Variants in CTNNA3 observed in about 807,000 individuals in gnomAD.
CTNNA3 encodes the protein catenin alpha 3.
Under a neutral mutation model 95.7 loss-of-function variants are expected in CTNNA3, and 76 were observed. The observed-to-expected ratio is 0.79, with a 90% CI of 0.66 to 0.96. CTNNA3 has a LOEUF of 0.96. Among genes scored for constraint, CTNNA3 ranks in the 40% least tolerant of loss-of-function variants. The pLI is 0.00. For synonymous variants in CTNNA3, 431 were observed against 374.4 expected, an observed-to-expected ratio of 1.15 and a Z score of -1.74; for missense variants, 1,191 against 1,089.8, an observed-to-expected ratio of 1.09 and a Z score of -1.31.
intron 5 of CTNNA3, among the ~76,000 whole-genome samples, chr10:67,447,456 T>C (rs1846797755): frequency 2.0e-5 from 3 of 152,176 alleles, no homozygotes; most frequent in South Asian, 4.1e-4. Flanking sequence ...GAAGATTTTG[T>C]TTTTAATTAT....
rs181531024 is a variant in CTNNA3, at chr10:66,122,847, G to A, written c.1885-19598C>T. 2.7e-3 allele frequency among the ~76,000 whole-genome samples: 408 copies of A among 152,292 alleles called. 2 individuals are homozygous for A. Among genetic ancestry groups the A allele is most frequent in the African/African-American group, 9.4e-3 (389 of 41,550 alleles). On this transcript the variant is annotated intron_variant, in intron 13 of 17. Transcript: ENST00000433211. The stretch of plus-strand genomic sequence containing the variant: ...TCTTTTTAAAACCATCAGATCTTGT[G>A]AGACTCATTTACTATCATGAGAACA...
At chr10:66,908,113 T>C (rs1477627478) in intron 7 of CTNNA3, among the ~76,000 whole-genome samples, 1 of 152,196 alleles carries the variant, frequency 6.6e-6, no homozygotes, top group Non-Finnish European at 1.5e-5. Context: ...AGGAAGTTAG[T>C]ACATGCCACA....
intron 5 of CTNNA3, among the ~76,000 whole-genome samples, chr10:67,261,960 CACTG>C (rs1276752170): frequency 6.6e-6 from 1 of 152,124 alleles, no homozygotes; most frequent in Non-Finnish European, 1.5e-5. Flanking sequence ...ACAAATGTAG[CACTG>C]ACTATGTGTT....
chr10:66,359,144 C>A (rs751179962), intron 12 of CTNNA3, among the ~76,000 whole-genome samples: 1 of 152,054 alleles, frequency 6.6e-6, no homozygotes, highest in African/African-American at 2.4e-5. Flanking sequence ...ATATTCTCAC[C>A]CTAAAATGGC....
At chr10:66,470,113 G>A (rs1282965956) in intron 11 of CTNNA3, among the ~76,000 whole-genome samples, 1 of 151,808 alleles carries the variant, frequency 6.6e-6, no homozygotes, top group East Asian at 1.9e-4. Context: ...ATCAGGACCA[G>A]AGTAAGCTGG....
chr10:66,962,400 TTTTTTG>T (rs1405950965), intron 7 of CTNNA3, among the ~76,000 whole-genome samples: 1 of 147,868 alleles, frequency 6.8e-6, no homozygotes, highest in Non-Finnish European at 1.5e-5. Context: ...TTTTGTTTTG[TTTTTTG>T]TTTTTGTTTT....
At chr10:66,081,350 G>T (rs11597357) in intron 14 of CTNNA3, among the ~76,000 whole-genome samples, 2 of 151,964 alleles carry the variant, frequency 1.3e-5, no homozygotes, top group Non-Finnish European at 2.9e-5. Context: ...GGTGGCTCAT[G>T]GCTGTAATTC....
intron 9 of CTNNA3, among the ~76,000 whole-genome samples, chr10:66,627,818 T>C (rs2132334470): frequency 6.6e-6 from 1 of 152,266 alleles, no homozygotes; most frequent in South Asian, 2.1e-4. Flanking sequence ...ACATATCAGG[T>C]ACAAGAGAAC....
chr10:66,349,073 T>A (rs979822604), intron 12 of CTNNA3, among the ~76,000 whole-genome samples: 2 of 152,108 alleles, frequency 1.3e-5, no homozygotes, highest in African/African-American at 4.8e-5. Context: ...TGTTCGTTAC[T>A]TCACAATTCG....
At chr10:67,125,165 C>T (rs543896680) in intron 7 of CTNNA3, among the ~76,000 whole-genome samples, 4 of 152,124 alleles carry the variant, frequency 2.6e-5, no homozygotes, top group South Asian at 2.1e-4. Context: ...ATATTTAATA[C>T]GTTTTTTCAA....
intron 10 of CTNNA3, 29 bp downstream of exon 10, chr10:66,621,663 A>T: frequency 7.7e-7 from 1 of 1,304,874 alleles, no homozygotes; most frequent in Non-Finnish European, 1.1e-6. Context: ...ATATAATTTT[A>T]CACACAAAAA....
At chr10:67,314,384 T>C (rs1237951121) in intron 5 of CTNNA3, among the ~76,000 whole-genome samples, 1 of 152,172 alleles carries the variant, frequency 6.6e-6, no homozygotes, top group African/African-American at 2.4e-5. Context: ...ATTAAAGCCA[T>C]GGGCTCAGGA....
chr10:66,595,647 T>C (rs917182603), intron 10 of CTNNA3, among the ~76,000 whole-genome samples: 4 of 152,018 alleles, frequency 2.6e-5, no homozygotes, highest in African/African-American at 9.7e-5. Flanking sequence ...TGTTGATTTA[T>C]TTTTTAAAAG....
At chr10:66,765,155 TC>T (rs766012694) in intron 9 of CTNNA3, among the ~76,000 whole-genome samples, 11 of 152,138 alleles carry the variant, frequency 7.2e-5, no homozygotes, top group Admixed American at 1.3e-4. Flanking sequence ...GAGATTGAGA[TC>T]CAGAAAGAGA....
chr10:66,980,487 CAAAACTATT>C (rs1564809877), intron 7 of CTNNA3, among the ~76,000 whole-genome samples: 14 of 137,756 alleles, frequency 1.0e-4, no homozygotes, highest in East Asian at 9.8e-4. Context: ...GAACAGGAAC[CAAAACTATT>C]GAGACCTTCC....
At chr10:67,108,547 G>A (rs1445131712) in intron 7 of CTNNA3, among the ~76,000 whole-genome samples, 1 of 152,086 alleles carries the variant, frequency 6.6e-6, no homozygotes, top group Non-Finnish European at 1.5e-5. Context: ...AATGCTTATA[G>A]TGAATAAATA....
intron 15 of CTNNA3, among the ~76,000 whole-genome samples, chr10:66,020,216 G>C (rs867434804): frequency 9.2e-5 from 14 of 152,304 alleles, no homozygotes; most frequent in African/African-American, 2.9e-4. Flanking sequence ...GGCATCCCTT[G>C]CATGCATCTA....
At chr10:67,481,326 A>G (rs961992275) in intron 5 of CTNNA3, among the ~76,000 whole-genome samples, 1 of 152,204 alleles carries the variant, frequency 6.6e-6, no homozygotes, top group African/African-American at 2.4e-5. Context: ...TAGGAAAAAA[A>G]GAATTCAAAT....
intron 11 of CTNNA3, among the ~76,000 whole-genome samples, chr10:66,487,069 A>G (rs962292623): frequency 1.3e-5 from 2 of 152,130 alleles, no homozygotes; most frequent in African/African-American, 4.8e-5. Context: ...GTGTTGCCCA[A>G]AGGGCATAAA....
Sources: gnomAD v4.1 joint callset for allele counts (sites outside exome capture counted in the v4.1 genomes callset) on GRCh38, gnomAD v4.1.1 for gene constraint, MANE v1.5 for transcripts, NCBI Gene and HGNC (gene_info 2026-07-23, HGNC 2026-07-21) for gene names.